Variants in POLR1A observed in about 807,000 individuals in gnomAD.
POLR1A encodes the protein RNA polymerase I subunit A, also known as DNA-directed RNA polymerase I subunit RPA1.
POLR1A carries 84 observed loss-of-function variants against 205.3 expected under a neutral mutation model. The ratio of observed to expected loss-of-function variants is 0.41; its 90% CI spans 0.34 to 0.49. The LOEUF (loss-of-function observed/expected upper bound fraction) is 0.49. POLR1A is among the 20% of genes least tolerant of loss of function. The pLI is 0.22. For missense variants in POLR1A, 1,645 were observed against 2,204.5 expected (o/e 0.75, Z 5.08); for synonymous variants, 799 against 863.7 (o/e 0.93, Z 1.31).
In POLR1A at chr2:86,098,697, C is replaced by T. The variant is rs368313753; in HGVS notation, c.346G>A (p.Val116Met). The T allele has an allele frequency of 2.3e-5, 37 of 1,613,644 alleles. No individual in the cohort carries two copies. The highest frequency in any genetic ancestry group is 2.8e-5 in the Non-Finnish European group (33 of 1,179,908). ...AGCTGGCAGAGTAAGAGGTGAATCA[C>T]GGCCCGGGGACAAGTCAGCATGTGG... is the stretch of plus-strand genomic sequence containing the variant. ...NCHMLTCPRA[V>M]IHLLLCQLRV... is the part of the protein sequence containing the mutation. Residue 116 changes from valine (V) to methionine (M), a missense_variant, in exon 3 of 34, where the codon GTG (valine) becomes ATG (methionine). Physicochemically the swap from Val to Met is conservative, Grantham distance 21 (BLOSUM62 1). Transcript: ENST00000263857.
rs142743300 is a variant in POLR1A at position 86,092,310 on chromosome 2, G to C, written c.433-2381C>G. ...GGAAGCACAGCCCATGGAACTGTTA[G>C]AAACGATATTGATTCCTTTCTGGGA... On this transcript the variant is annotated intron_variant, in intron 3 of 33. Transcript: ENST00000263857. Among the ~76,000 whole-genome samples, 120 of 152,304 alleles carry C rather than the reference G, an allele frequency of 7.9e-4. 1 individual carries two copies. Among genetic ancestry groups the C allele is most frequent in the Admixed American group, 6.7e-3 (103 of 15,306 alleles).
Position 86,028,508 on chromosome 2 carries a change from C to A in POLR1A, c.4897+86G>T. On this transcript the variant is annotated intron_variant, in intron 32 of 33. Transcript: ENST00000263857. This position sits in a 1 kb window ranked among gnomAD's most constrained non-coding sequence, Gnocchi z 4.5. ...GTGCTGGACTGACTCGGTGCTGGAC[C>A]GACACGGTCCTGACCCTCCTGCCGA... is the stretch of plus-strand genomic sequence containing the variant. 1.1e-6 allele frequency: 1 copy of A among 928,708 alleles called. No homozygotes were observed. The highest frequency in any genetic ancestry group is 1.7e-5 in the Admixed American group (1 of 58,388). The allele number at this position is 928,708 out of a possible 1,614,324, so 57.5% of individuals were successfully genotyped here. A position where few individuals can be genotyped will look rare whatever the true frequency, so the allele number is the denominator to read the frequency against.
Position 86,049,150 on chromosome 2 carries a change from C to A in POLR1A, c.2475+10G>T, listed in dbSNP as rs1433940882. On this transcript the variant is annotated intron_variant, in intron 17 of 33. Coordinates refer to ENST00000263857, the MANE Select transcript of POLR1A (RefSeq NM_015425.6). Reference sequence around the variant, plus strand: ...CTAGGGCAGGCCACGGCCTCGAAGTCCCTCCTTACCTGGGGCCCGCAGTGG... The same window carrying A: ...CTAGGGCAGGCCACGGCCTCGAAGTACCTCCTTACCTGGGGCCCGCAGTGG... The A allele has an allele frequency of 3.7e-6, 6 of 1,612,240 alleles. No homozygotes were observed. Among genetic ancestry groups the A allele is most frequent in the Middle Eastern group, 1.6e-4 (1 of 6,084 alleles).
intron 14 of POLR1A, among the ~76,000 whole-genome samples, chr2:86,061,958 A>C (rs151141773): frequency 1.9e-3 from 284 of 152,284 alleles, no homozygotes; most frequent in Middle Eastern, 6.8e-3. Context: ...TAAACTCGAG[A>C]TTTGCAATGA....
chr2:86,094,062 T>C (rs948002163), intron 3 of POLR1A, among the ~76,000 whole-genome samples: 3 of 152,240 alleles, frequency 2.0e-5, no homozygotes, highest in Non-Finnish European at 2.9e-5. Context: ...AGCGATGTTG[T>C]GTTCTTTCAA....
chr2:86,096,384 CA>C (rs1298134020), intron 3 of POLR1A, among the ~76,000 whole-genome samples: 1 of 151,726 alleles, frequency 6.6e-6, no homozygotes, highest in African/African-American at 2.4e-5. Context: ...CAATCCCTAT[CA>C]AAATACCAAT....
At chr2:86,031,119 C>T (rs904195494) in intron 30 of POLR1A, among the ~76,000 whole-genome samples, 12 of 152,170 alleles carry the variant, frequency 7.9e-5, no homozygotes, top group African/African-American at 2.7e-4. Context: ...ATAGCCATCA[C>T]CAGATTCCTA....
At chr2:86,093,060 G>C (rs1673636660) in intron 3 of POLR1A, among the ~76,000 whole-genome samples, 1 of 152,156 alleles carries the variant, frequency 6.6e-6, no homozygotes, top group Non-Finnish European at 1.5e-5. Context: ...CATTAGGAAA[G>C]GAATGGAGTC....
intron 16 of POLR1A, among the ~76,000 whole-genome samples, chr2:86,049,672 C>T (rs949770495): frequency 1.1e-4 from 16 of 152,136 alleles, no homozygotes; most frequent in African/African-American, 3.9e-4. Context: ...TCTGGGGTCC[C>T]AGAAGTCACA....
At chr2:86,086,171 G>A (rs957350748) in intron 6 of POLR1A, among the ~76,000 whole-genome samples, 16 of 152,146 alleles carry the variant, frequency 1.1e-4, no homozygotes, top group Admixed American at 9.2e-4. Flanking sequence ...CGATTCTCCT[G>A]TCTCAGCCTC....
intron 3 of POLR1A, among the ~76,000 whole-genome samples, chr2:86,096,654 C>A (rs1172996549): frequency 2.0e-5 from 3 of 152,060 alleles, no homozygotes; most frequent in East Asian, 1.9e-4. Context: ...GCAAAAGGTG[C>A]CAAGAACATA....
At chr2:86,079,408 G>T (rs1673354814) in intron 9 of POLR1A, among the ~76,000 whole-genome samples, 2 of 152,172 alleles carry the variant, frequency 1.3e-5, no homozygotes. Flanking sequence ...GACTGGCAAG[G>T]GCTGCCATGA....
intron 3 of POLR1A, among the ~76,000 whole-genome samples, chr2:86,092,055 G>A (rs1355771761): frequency 6.6e-6 from 1 of 152,166 alleles, no homozygotes; most frequent in Non-Finnish European, 1.5e-5. Flanking sequence ...GGCAGAGGTT[G>A]CAGTGAGCCA....
chr2:86,060,028 G>A (rs567742700), intron 14 of POLR1A, among the ~76,000 whole-genome samples: 123 of 152,084 alleles, frequency 8.1e-4, no homozygotes, highest in Non-Finnish European at 1.3e-3. Context: ...AAAGCTTGTC[G>A]AATATAAGGA....
At chr2:86,035,424 G>A (rs79573593) in intron 27 of POLR1A, among the ~76,000 whole-genome samples, 2,506 of 152,314 alleles carry the variant, frequency 0.016, 80 homozygotes, top group African/African-American at 0.057. Flanking sequence ...GGAGAGGAGG[G>A]CCTTGATCTC....
chr2:86,065,199 T>C (rs1359781109), intron 14 of POLR1A, 75 bp downstream of exon 14: 1 of 1,319,704 alleles, frequency 7.6e-7, no homozygotes, highest in Non-Finnish European at 1.1e-6. Flanking sequence ...GTCTGGACTC[T>C]TCTGAGAATA....
chr2:86,076,297 T>C (rs1573825168), intron 11 of POLR1A, among the ~76,000 whole-genome samples: 1 of 152,236 alleles, frequency 6.6e-6, no homozygotes, highest in Non-Finnish European at 1.5e-5. Flanking sequence ...AGAAGGCTCC[T>C]GGGGCTACCC....
In POLR1A at chr2:86,105,837, T is replaced by C. The variant is rs970135754; in HGVS notation, c.-61A>G. 9.8e-6 allele frequency: 14 copies of C among 1,422,496 alleles called. No individual in the cohort carries two copies. Among genetic ancestry groups the C allele is most frequent in the Non-Finnish European group, 9.9e-7 (1 of 1,010,436 alleles). 88.1% of individuals were successfully genotyped at this position (1,422,496 alleles called of 1,614,324 possible). ...GACGTTCCACTCACCACCTGACTAT[T>C]CTTAATTCAACCTCAAGCCCGGAGT... is the stretch of plus-strand genomic sequence containing the variant. On this transcript the variant is annotated 5_prime_UTR_variant, in exon 1 of 34. Coordinates refer to ENST00000263857, the MANE Select transcript of POLR1A (RefSeq NM_015425.6).
At chr2:86,099,311 C>T (rs896932232) in intron 2 of POLR1A, among the ~76,000 whole-genome samples, 11 of 150,198 alleles carry the variant, frequency 7.3e-5, no homozygotes, top group African/African-American at 2.7e-4. Flanking sequence ...GAGCCAAGAT[C>T]GTGCCACTGC....
Sources: allele counts gnomAD v4.1 joint callset (sites outside exome capture counted in the v4.1 genomes callset), GRCh38; gene constraint gnomAD v4.1.1; non-coding constraint Gnocchi (gnomAD v3.1); transcripts MANE v1.5; gene names NCBI Gene and HGNC (gene_info 2026-07-23, HGNC 2026-07-21).